UBAP1L: variants seen among roughly 807,000 people sequenced by gnomAD.
The protein encoded by UBAP1L is ubiquitin-associated protein 1-like.
Under a neutral mutation model 32.1 loss-of-function variants are expected in UBAP1L, and 32 were observed. The ratio of observed to expected loss-of-function variants is 1.00; its 90% confidence interval spans 0.75 to 1.34. The LOEUF is 1.34. Ranked by LOEUF, UBAP1L falls within the 40% of genes most tolerant of loss-of-function variation. The pLI is 0.00. For synonymous variants in UBAP1L, 243 were observed against 250.2 expected, an observed-to-expected ratio of 0.97 and a Z score of 0.27; for missense variants, 516 against 540.5, an observed-to-expected ratio of 0.95 and a Z score of 0.45.
At chr15:65,100,168 C>G (rs139935349) in intron 3 of UBAP1L, 2 of 152,894 alleles carry the variant, frequency 1.3e-5, no homozygotes, top group Non-Finnish European at 2.9e-5. Flanking sequence ...CGCTTGAACC[C>G]GGGAGGCAGA....
intron 3 of UBAP1L, chr15:65,099,925 C>G (rs539791947): frequency 2.0e-6 from 1 of 488,316 alleles, no homozygotes; most frequent in East Asian, 3.4e-5. Context: ...AGCTACTTCA[C>G]GGGACTATCA....
chr15:65,109,198 C>T (rs2087350590), intron 1 of UBAP1L, among the ~76,000 whole-genome samples: 1 of 144,712 alleles, frequency 6.9e-6, no homozygotes, highest in African/African-American at 2.6e-5. Flanking sequence ...TAAGAACTTC[C>T]ATTTGGCCGG....
chr15:65,095,185 T>C (rs2087159453), intron 4 of UBAP1L: 1 of 153,050 alleles, frequency 6.5e-6, no homozygotes, highest in Admixed American at 6.5e-5. Flanking sequence ...GCTGGCTCCT[T>C]ACCAGGCAGG....
At chr15:65,113,545 C>T (rs769551914) in intron 1 of UBAP1L, among the ~76,000 whole-genome samples, 12 of 152,118 alleles carry the variant, frequency 7.9e-5, no homozygotes, top group Non-Finnish European at 1.3e-4. Flanking sequence ...GTCAGGAGTT[C>T]GAGACCTGCC....
intron 2 of UBAP1L, chr15:65,104,915 G>A (rs1473932349): frequency 9.7e-6 from 4 of 412,034 alleles, no homozygotes; most frequent in East Asian, 9.1e-5. Flanking sequence ...ACCATGGCAC[G>A]AGAATCACTT....
chr15:65,106,403 G>A lies in UBAP1L; in HGVS notation c.-173-15C>T. On this transcript the variant is annotated splice_polypyrimidine_tract_variant and intron_variant, in intron 1 of 5. Coordinates refer to ENST00000559089, the MANE Select transcript of UBAP1L (RefSeq NM_001163692.2). ...GGGGGCCAGTGCTGCATAAAGGAAG[G>A]AAATGAATAAAAACAAGAGCATTCA... 3.6e-6 allele frequency: 2 copies of A among 554,832 alleles called. No homozygotes were observed. The highest frequency in any genetic ancestry group is 6.6e-5 in the South Asian group (2 of 30,078). 34.4% of individuals were successfully genotyped at this position (554,832 alleles called of 1,614,324 possible). A position where few individuals can be genotyped will look rare whatever the true frequency, so the allele number is the denominator to read the frequency against.
chr15:65,099,956 G>A (rs949405168), intron 3 of UBAP1L: 2 of 402,874 alleles, frequency 5.0e-6, no homozygotes, highest in African/African-American at 4.1e-5. Context: ...ATAAGACAAT[G>A]TGAGGGACTG....
At chr15:65,108,287 A>G (rs1284016510) in intron 1 of UBAP1L, among the ~76,000 whole-genome samples, 1 of 152,126 alleles carries the variant, frequency 6.6e-6, no homozygotes, top group Non-Finnish European at 1.5e-5. Flanking sequence ...CTGGGGAAAA[A>G]AAAAAACAAA....
chr15:65,093,842 G>A (rs1332210632), intron 5 of UBAP1L, among the ~76,000 whole-genome samples: 6 of 152,152 alleles, frequency 3.9e-5, no homozygotes, highest in African/African-American at 7.2e-5. Flanking sequence ...TCAGGCATTC[G>A]AGACCAGCCT....
chr15:65,110,890 G>A (rs1021983019), intron 1 of UBAP1L, among the ~76,000 whole-genome samples: 1 of 152,108 alleles, frequency 6.6e-6, no homozygotes, highest in African/African-American at 2.4e-5. Flanking sequence ...CCAGGATGAC[G>A]CAAAGCTCTG....
At position 65,102,661 on chromosome 15, in the gene UBAP1L, C is replaced by T. The variant is rs563492310; in HGVS notation, c.144G>A (p.Thr48=). The change falls in exon 3 of 6, where the codon ACG becomes ACA. Residue 48 remains threonine (T), a synonymous_variant. Coordinates refer to ENST00000559089, the MANE Select transcript of UBAP1L (RefSeq NM_001163692.2). The surrounding 1 kb of genome is among the most constrained non-coding windows in gnomAD (Gnocchi z 5.0). ...CGGCGGCCTCCACCCAGAAGAGTGCCGTCCTCTCCAGGCTGAAGTCGTGCT... is the reference window on the plus strand; with the variant it reads ...CGGCGGCCTCCACCCAGAAGAGTGCTGTCCTCTCCAGGCTGAAGTCGTGCT... ...GSMHDFSLER[T]ALFWVEAAGQ... 52 of 1,548,262 alleles carry T rather than the reference C, an allele frequency of 3.4e-5. No individual in the cohort carries two copies. Among genetic ancestry groups the T allele is most frequent in the Non-Finnish European group, 4.2e-5 (48 of 1,146,786 alleles).
Position 65,093,152 on chromosome 15 carries a change from A to T in UBAP1L, c.1091T>A (p.Val364Asp), listed in dbSNP as rs2087137120. Reference protein sequence around the residue: ...QQDRIKEVLLVHGNRREQALE... With the variant: ...QQDRIKEVLLDHGNRREQALE... ...GGCTTGCTCTCGGCGGTTGCCATGG[A>T]CCAGCAGCACCTCCTTGATCCGGTC... The change falls in exon 6 of 6, where the codon GTC (valine) becomes GAC (aspartate). Residue 364 changes from valine to aspartate, a missense_variant. Coordinates refer to ENST00000559089, the MANE Select transcript of UBAP1L (RefSeq NM_001163692.2). 8 of 1,547,666 alleles carry T rather than the reference A, an allele frequency of 5.2e-6. No individual in the cohort carries two copies. Among genetic ancestry groups the T allele is most frequent in the East Asian group, 4.9e-5 (2 of 40,678 alleles).
intron 1 of UBAP1L, among the ~76,000 whole-genome samples, chr15:65,110,575 C>T (rs2087362451): frequency 1.4e-5 from 2 of 148,032 alleles, no homozygotes; most frequent in African/African-American, 2.5e-5. Context: ...GTCCCAGGTA[C>T]GTGGGAGGCT....
Position 65,106,341 on chromosome 15 carries a change from T to G in UBAP1L, c.-126A>C. 8.5e-7 allele frequency: 1 copy of G among 1,180,638 alleles called. No individual in the cohort carries two copies. Among genetic ancestry groups the G allele is most frequent in the Non-Finnish European group, 1.1e-6 (1 of 882,150 alleles). 73.1% of individuals were successfully genotyped at this position (1,180,638 alleles called of 1,614,324 possible). ...CCTCACTGCTCTCCTGTGTGGTCAC[T>G]TAGCTGAGCCCCAAACAGCTGGAAA... On this transcript the variant is annotated 5_prime_UTR_variant, in exon 2 of 6. Coordinates refer to ENST00000559089, the MANE Select transcript of UBAP1L (RefSeq NM_001163692.2).
rs533143983 is a variant in UBAP1L, at chr15:65,094,005, C to T, written c.1011+470G>A. 6.6e-6 allele frequency among the ~76,000 whole-genome samples: 1 copy of T among 152,330 alleles called. No individual in the cohort carries two copies. The highest frequency in any genetic ancestry group is 6.5e-5 in the Admixed American group (1 of 15,308). ...GAGGTTGCAGTGAGCCAAGATCGTGCCATTGCACTCCAGCCTGGGCAATAG... is the reference window on the plus strand; with the variant it reads ...GAGGTTGCAGTGAGCCAAGATCGTGTCATTGCACTCCAGCCTGGGCAATAG... On this transcript the variant is annotated intron_variant, in intron 5 of 5. Coordinates refer to ENST00000559089, the MANE Select transcript of UBAP1L (RefSeq NM_001163692.2). This position sits in a 1 kb window ranked among gnomAD's most constrained non-coding sequence, Gnocchi z 4.2.
chr15:65,106,211 T>C lies in UBAP1L; in HGVS notation c.5A>G (p.Asn2Ser), dbSNP rs1334326261. The C allele has an allele frequency of 5.2e-6, 8 of 1,543,840 alleles. No homozygotes were observed. The highest frequency in any genetic ancestry group is 1.4e-5 in the African/African-American group (1 of 72,634). Residue 2 changes from asparagine (N) to serine (S), a missense_variant, in exon 2 of 6, where the codon AAT becomes AGT. Coordinates refer to ENST00000559089, the MANE Select transcript of UBAP1L (RefSeq NM_001163692.2). ...CTTGAAAGGAACACCATCGAGGGCA[T>C]TCATTCTGTCAGGAGTGTGGAGATG... Reference protein sequence around the residue: MNALDGVPFKLP... With the variant: MSALDGVPFKLP...
rs1450972233 is a variant in UBAP1L, at chr15:65,106,156, C to A, written c.60G>T (p.Glu20Asp). The change falls in exon 2 of 6, where the codon GAG (glutamate) becomes GAT (aspartate). Residue 20 changes from glutamate (E) to aspartate (D), a missense_variant. By Grantham distance (45) the Glu-to-Asp change is conservative. Transcript: ENST00000559089. ...CGCTGAGTTCTGGCCCAGGGAGAGG[C>A]TCTGTGCCTATCACAAAGCCCTTGG... ...KLPKGFVIGT[E>D]PLPGPELSVP... 2 of 1,550,864 alleles carry A rather than the reference C, an allele frequency of 1.3e-6. No individual in the cohort carries two copies. The highest frequency in any genetic ancestry group is 1.2e-5 in the South Asian group (1 of 83,882).
At position 65,102,703 on chromosome 15, in the gene UBAP1L, G is replaced by A. The variant is rs972197091; in HGVS notation, c.121-19C>T. ...AGTCGTGCTGCGGAAAGAAGGCGAC[G>A]TAAAGCCCAGGGCAAACCAGGACCC... On this transcript the variant is annotated intron_variant, in intron 2 of 5. Coordinates refer to ENST00000559089, the MANE Select transcript of UBAP1L (RefSeq NM_001163692.2). This position sits in a 1 kb window ranked among gnomAD's most constrained non-coding sequence, Gnocchi z 5.0. 3 of 1,541,908 alleles carry A rather than the reference G, an allele frequency of 1.9e-6. No homozygotes were observed. Among genetic ancestry groups the A allele is most frequent in the African/African-American group, 1.4e-5 (1 of 72,934 alleles).
intron 3 of UBAP1L, chr15:65,100,850 A>G (rs1215096649): frequency 6.6e-6 from 1 of 152,274 alleles, no homozygotes; most frequent in Non-Finnish European, 1.5e-5. Context: ...TGTCCTTGAA[A>G]AAGATTCTTT....
Sources: gnomAD v4.1 joint callset for allele counts (sites outside exome capture counted in the v4.1 genomes callset) on GRCh38, gnomAD v4.1.1 for gene constraint, Gnocchi (gnomAD v3.1) non-coding constraint, MANE v1.5 for transcripts, NCBI Gene and HGNC (gene_info 2026-07-23, HGNC 2026-07-21) for gene names.